The following MYCBP2 variants were observed in gnomAD, a reference collection of about 807,000 sequenced individuals.
The protein encoded by MYCBP2 is E3 ubiquitin-protein ligase MYCBP2.
MYCBP2 carries 120 observed loss-of-function variants against 525.3 expected under a neutral mutation model. The ratio of observed to expected loss-of-function variants is 0.23; its 90% confidence interval spans 0.20 to 0.27. The LOEUF is 0.27. Ranked by LOEUF, MYCBP2 falls within the 10% of genes least tolerant of loss-of-function variation. MYCBP2 has a pLI of 1.00. For synonymous variants in MYCBP2, 1,894 were observed against 1,955.8 expected, an observed-to-expected ratio of 0.97 and a Z score of 0.83; for missense variants, 4,149 against 5,657.1, an observed-to-expected ratio of 0.73 and a Z score of 8.55.
chr13:77,175,182 C>G (rs2059578524), intron 36 of MYCBP2, among the ~76,000 whole-genome samples: 1 of 150,964 alleles, frequency 6.6e-6, no homozygotes, highest in South Asian at 2.1e-4. Flanking sequence ...TCCTCCCTCC[C>G]TGGTGTCTCA....
At position 77,326,240 on chromosome 13, in the gene MYCBP2, GACACACACACACACAC is replaced by G. The variant is rs398023536; in HGVS notation, c.302+218_302+233del. Among the ~76,000 whole-genome samples, 299 of 127,878 alleles carry G rather than the reference GACACACACACACACAC, an allele frequency of 2.3e-3. 2 individuals are homozygous for G. The highest frequency in any genetic ancestry group is 7.8e-3 in the Middle Eastern group (2 of 256). The allele number at this position is 127,878 out of a possible 152,430, so 83.9% of individuals were successfully genotyped here. A position where few individuals can be genotyped will look rare whatever the true frequency, so the allele number is the denominator to read the frequency against. On this transcript the variant is annotated intron_variant, in intron 1 of 82. Transcript: ENST00000544440. This position sits in a 1 kb window ranked among gnomAD's most constrained non-coding sequence, Gnocchi z 4.2. ...CACTATCCCCCCACATAGGCAGGCA[GACACACACACACACAC>G]ACACACACACACACACACACACACA...
At chr13:77,102,434 C>T (rs1423152865) in intron 55 of MYCBP2, among the ~76,000 whole-genome samples, 2 of 151,412 alleles carry the variant, frequency 1.3e-5, no homozygotes, top group Non-Finnish European at 3.0e-5. Flanking sequence ...TTAGGCATTG[C>T]TGTAAAAGTT....
chr13:77,114,106 C>T (rs2049309252), intron 55 of MYCBP2, among the ~76,000 whole-genome samples: 2 of 152,188 alleles, frequency 1.3e-5, no homozygotes, highest in Admixed American at 1.3e-4. Flanking sequence ...GGCTTTTATG[C>T]TAACATTCAC....
At chr13:77,309,433 G>C (rs2079883509) in intron 1 of MYCBP2, among the ~76,000 whole-genome samples, 1 of 152,166 alleles carries the variant, frequency 6.6e-6, no homozygotes, top group South Asian at 2.1e-4. Flanking sequence ...CTTAAGAAAA[G>C]AGGTTTTACC....
intron 8 of MYCBP2, among the ~76,000 whole-genome samples, chr13:77,265,939 G>A (rs2154341097): frequency 6.6e-6 from 1 of 152,066 alleles, no homozygotes; most frequent in East Asian, 1.9e-4. Context: ...CCTGAAGTTT[G>A]GTTCATTCTT....
At chr13:77,278,394 C>T (rs1050843413) in intron 4 of MYCBP2, among the ~76,000 whole-genome samples, 1 of 152,218 alleles carries the variant, frequency 6.6e-6, no homozygotes, top group African/African-American at 2.4e-5. Context: ...AACTTCAACT[C>T]TTAAACCATA....
intron 26 of MYCBP2, among the ~76,000 whole-genome samples, chr13:77,201,811 T>C (rs76185719): frequency 6.6e-6 from 1 of 151,952 alleles, no homozygotes; most frequent in East Asian, 1.9e-4. Flanking sequence ...CACAATGAAA[T>C]GAAGGCAGAA....
intron 34 of MYCBP2, among the ~76,000 whole-genome samples, chr13:77,179,556 A>G (rs1424900041): frequency 6.6e-6 from 1 of 152,262 alleles, no homozygotes; most frequent in Admixed American, 6.5e-5. Context: ...ACAACTAAGT[A>G]CAACAAAGTG....
chr13:77,094,424 G>T (rs1157761589), intron 58 of MYCBP2, among the ~76,000 whole-genome samples: 1 of 152,122 alleles, frequency 6.6e-6, no homozygotes. Context: ...ACATTCCACA[G>T]TGATTTTTTA....
At chr13:77,127,366 G>A (rs1290680253) in intron 52 of MYCBP2, among the ~76,000 whole-genome samples, 2 of 151,832 alleles carry the variant, frequency 1.3e-5, no homozygotes, top group African/African-American at 4.8e-5. Context: ...TGATAAAATT[G>A]TTTCCTATGT....
At chr13:77,151,002 C>T in intron 46 of MYCBP2, 53 bp from the exon 47 acceptor site, 1 of 1,446,552 alleles carries the variant, frequency 6.9e-7, no homozygotes. Context: ...TTGTCACTGA[C>T]ATCAAAATAA....
intron 65 of MYCBP2, 107 bp from the exon 66 acceptor site, chr13:77,078,996 T>G (rs553975350): frequency 1.1e-6 from 1 of 914,654 alleles, no homozygotes; most frequent in Non-Finnish European, 1.8e-6. Context: ...GCCTGTCTCT[T>G]ATGGTCCTTC....
At chr13:77,294,478 GA>G (rs939908451) in intron 2 of MYCBP2, among the ~76,000 whole-genome samples, 1 of 151,838 alleles carries the variant, frequency 6.6e-6, no homozygotes, top group Non-Finnish European at 1.5e-5. Context: ...AGAGCAAGAG[GA>G]AAAAAACTGA....
chr13:77,192,709 G>C (rs1342190226), intron 27 of MYCBP2, among the ~76,000 whole-genome samples: 2 of 152,188 alleles, frequency 1.3e-5, no homozygotes, highest in Admixed American at 6.5e-5. Flanking sequence ...GGATGTTATG[G>C]AAATCCTTCA....
intron 15 of MYCBP2, among the ~76,000 whole-genome samples, chr13:77,248,654 C>A (rs1242810255): frequency 6.6e-6 from 1 of 152,180 alleles, no homozygotes; most frequent in East Asian, 1.9e-4. Flanking sequence ...AACATCTGTA[C>A]ACTATTGGTG....
chr13:77,243,965 CAAAAA>C lies in MYCBP2; in HGVS notation c.2382-19_2382-15del. ...CAACCACAGATCCTAGGGGGAAATA[CAAAAA>C]AAAAAAAAAAAGACAACTGAGATAT... On this transcript the variant is annotated splice_polypyrimidine_tract_variant and intron_variant, in intron 15 of 82. Transcript: ENST00000544440. 8.4e-6 allele frequency: 10 copies of C among 1,190,814 alleles called. No homozygotes were observed. The South Asian group carries it at 1.1e-4, about 14-fold the overall frequency. 73.8% of individuals were successfully genotyped at this position (1,190,814 alleles called of 1,614,324 possible). A position where few individuals can be genotyped will look rare whatever the true frequency, so the allele number is the denominator to read the frequency against.
intron 26 of MYCBP2, among the ~76,000 whole-genome samples, chr13:77,201,345 A>G (rs1593809683): frequency 6.6e-6 from 1 of 150,414 alleles, no homozygotes; most frequent in Admixed American, 6.6e-5. Flanking sequence ...AGAGCTAACT[A>G]TCCTAAATAT....
At chr13:77,120,589 A>G (rs759162034) in intron 55 of MYCBP2, among the ~76,000 whole-genome samples, 7 of 152,174 alleles carry the variant, frequency 4.6e-5, no homozygotes, top group African/African-American at 7.2e-5. Flanking sequence ...TTTACTCATG[A>G]CCCAGCTGTA....
chr13:77,301,716 A>C (rs750450793), intron 1 of MYCBP2, among the ~76,000 whole-genome samples: 10 of 152,218 alleles, frequency 6.6e-5, no homozygotes, highest in Non-Finnish European at 1.3e-4. Context: ...TGTGGCAGAC[A>C]CATAATCAAG....
Sources: allele counts gnomAD v4.1 joint callset (sites outside exome capture counted in the v4.1 genomes callset), GRCh38; gene constraint gnomAD v4.1.1; non-coding constraint Gnocchi (gnomAD v3.1); transcripts MANE v1.5; gene names NCBI Gene and HGNC (gene_info 2026-07-23, HGNC 2026-07-21).